TP73: variants seen among roughly 807,000 people sequenced by gnomAD.
TP73 encodes p53-like transcription factor.
TP73 carries 25 observed loss-of-function variants against 62.5 expected under a neutral mutation model. The observed-to-expected ratio is 0.40, with a 90% CI of 0.29 to 0.56. The LOEUF is 0.56. Ranked by LOEUF, TP73 falls within the 20% of genes least tolerant of loss-of-function variation. The pLI is 0.46. For missense variants in TP73, 754 were observed against 913.3 expected, an observed-to-expected ratio of 0.83 and a Z score of 2.25; for synonymous variants, 423 against 377.5, an observed-to-expected ratio of 1.12 and a Z score of -1.40.
intron 3 of TP73, among the ~76,000 whole-genome samples, chr1:3,689,129 A>T (rs1479475176): frequency 6.6e-6 from 1 of 152,050 alleles, no homozygotes; most frequent in Non-Finnish European, 1.5e-5. Flanking sequence ...TCAGAAGCAG[A>T]AGGCACCCTC....
rs766034421 is a variant in TP73 at position 3,683,196 on chromosome 1, G to A, written c.186+16G>A. On this transcript the variant is annotated intron_variant, in intron 3 of 13. Transcript: ENST00000378295. ...ATCTGTCATGGTGAGTGGGGGGGCT[G>A]CCCTCTGCAAGAGGACTGGAGTGGG... The A allele has an allele frequency of 6.3e-7, 1 of 1,594,770 alleles. No homozygotes were observed. The highest frequency in any genetic ancestry group is 1.1e-5 in the South Asian group (1 of 89,946).
intron 1 of TP73, among the ~76,000 whole-genome samples, chr1:3,681,911 C>T (rs1342115307): frequency 9.2e-6 from 1 of 109,064 alleles, no homozygotes; most frequent in African/African-American, 2.7e-5. Context: ...CAGGCCAAAC[C>T]TAGACACAGT....
intron 3 of TP73, chr1:3,690,889 A>G (rs1645801298): frequency 6.4e-7 from 1 of 1,569,630 alleles, no homozygotes; most frequent in Non-Finnish European, 8.6e-7. Context: ...GCGTGTGCAG[A>G]CCCCCCGGCG....
intron 3 of TP73, among the ~76,000 whole-genome samples, chr1:3,695,683 T>C (rs1039110651): frequency 6.6e-6 from 1 of 152,234 alleles, no homozygotes; most frequent in African/African-American, 2.4e-5. Context: ...AGCCAATCAG[T>C]GCAGCAAGCT....
intron 3 of TP73, among the ~76,000 whole-genome samples, chr1:3,698,706 G>C (rs1389130563): frequency 2.0e-5 from 3 of 152,168 alleles, no homozygotes; most frequent in Non-Finnish European, 2.9e-5. Context: ...CTTGCACCAG[G>C]CCACAGTGGG....
rs1347778603 is a variant in TP73 at position 3,699,060 on chromosome 1, CAGGGTGCTGTGGGTGAGAGCAG to C, written c.187-8476_187-8455del. ...GCAGAGGGTGCTGTGGGTGAGAGCA[CAGGGTGCTGTGGGTGAGAGCAG>C]AGGGTGCTGTGGATGAGAGCAGAGG... is the stretch of plus-strand genomic sequence containing the variant. On this transcript the variant is annotated intron_variant, in intron 3 of 13. Coordinates refer to ENST00000378295, the MANE Select transcript of TP73 (RefSeq NM_005427.4). The surrounding 1 kb of genome is among the most constrained non-coding windows in gnomAD (Gnocchi z 4.1). 1.1e-4 allele frequency among the ~76,000 whole-genome samples: 17 copies of C among 151,232 alleles called. No individual in the cohort carries two copies. The highest frequency in any genetic ancestry group is 4.2e-4 in the South Asian group (2 of 4,812).
chr1:3,716,415 C>G (rs1286859066), intron 4 of TP73, among the ~76,000 whole-genome samples: 2 of 152,228 alleles, frequency 1.3e-5, no homozygotes, highest in Non-Finnish European at 2.9e-5. Flanking sequence ...CTGTGGATGT[C>G]CTGGTGAGTG....
In TP73 at chr1:3,706,478, T is replaced by C. The variant is rs60071664; in HGVS notation, c.187-1071T>C. Among the ~76,000 whole-genome samples the C allele has an allele frequency of 6.9e-3, 610 of 88,596 alleles. 84 individuals carry two copies. The highest frequency in any genetic ancestry group is 0.012 in the Non-Finnish European group (382 of 33,146). 58.1% of individuals were successfully genotyped at this position (88,596 alleles called of 152,430 possible). On this transcript the variant is annotated intron_variant, in intron 3 of 13. Transcript: ENST00000378295. Reference sequence around the variant, plus strand: ...GCCGCAGGCCCGGGGAGAGGGGTAATAGGGACAATCACGGTGCCCGCCGCA... The same window carrying C: ...GCCGCAGGCCCGGGGAGAGGGGTAACAGGGACAATCACGGTGCCCGCCGCA...
rs77227066 is a variant in TP73 at position 3,696,474 on chromosome 1, G to A, written c.187-11075G>A. Among the ~76,000 whole-genome samples the A allele has an allele frequency of 0.012, 1,750 of 152,010 alleles. 38 individuals carry two copies. The highest frequency in any genetic ancestry group is 0.04 in the African/African-American group (1,644 of 41,418). Reference sequence around the variant, plus strand: ...GGGCACTTACAGTCAGGGCTCTGGGGGATCTGCACGGAGGCAGGGAGAGAC... The same window carrying A: ...GGGCACTTACAGTCAGGGCTCTGGGAGATCTGCACGGAGGCAGGGAGAGAC... On this transcript the variant is annotated intron_variant, in intron 3 of 13. Transcript: ENST00000378295. The surrounding 1 kb of genome is among the most constrained non-coding windows in gnomAD (Gnocchi z 4.1).
rs906751093 is a variant in TP73, at chr1:3,672,775, G to T, written c.-33-9558G>T. Among the ~76,000 whole-genome samples, 2 of 152,052 alleles carry T rather than the reference G, an allele frequency of 1.3e-5. No homozygotes were observed. The highest frequency in any genetic ancestry group is 6.6e-5 in the Admixed American group (1 of 15,246). The stretch of plus-strand genomic sequence containing the variant: ...CTCAGCGCCCCAGTTCCCTGACAGG[G>T]CCCCACTTCCCTCCTGCCGCCAACC... On this transcript the variant is annotated intron_variant, in intron 1 of 13. Coordinates refer to ENST00000378295, the MANE Select transcript of TP73 (RefSeq NM_005427.4). The surrounding 1 kb of genome is among the most constrained non-coding windows in gnomAD (Gnocchi z 5.3).
intron 3 of TP73, among the ~76,000 whole-genome samples, chr1:3,692,866 C>T (rs1281754769): frequency 6.6e-6 from 1 of 152,164 alleles, no homozygotes; most frequent in Admixed American, 6.5e-5. Flanking sequence ...CCCTGCTGCC[C>T]TGGCCTGCAG....
At chr1:3,727,016 A>T in intron 6 of TP73, 99 bp from the exon 7 acceptor site, 1 of 966,960 alleles carries the variant, frequency 1.0e-6, no homozygotes. Flanking sequence ...CCCCCTGCCT[A>T]CGTGGAGCCA....
At chr1:3,726,080 T>G (rs1262066605) in intron 6 of TP73, among the ~76,000 whole-genome samples, 18 of 36,846 alleles carry the variant, frequency 4.9e-4, no homozygotes, top group African/African-American at 6.6e-4. Flanking sequence ...ATGGATGGAT[T>G]TATTGATATT....
At chr1:3,713,312 G>A (rs958343601) in intron 4 of TP73, among the ~76,000 whole-genome samples, 3 of 152,186 alleles carry the variant, frequency 2.0e-5, no homozygotes, top group Non-Finnish European at 4.4e-5. Flanking sequence ...CTCTCCTGGT[G>A]CCTCCCTGCC....
intron 3 of TP73, among the ~76,000 whole-genome samples, chr1:3,706,598 A>T (rs1456848743): frequency 2.6e-5 from 4 of 151,852 alleles, no homozygotes; most frequent in Non-Finnish European, 4.4e-5. Flanking sequence ...TTCCTCCAGC[A>T]CCCGCCTCTG....
In TP73 at chr1:3,699,193, G is replaced by A. The variant is rs920203128; in HGVS notation, c.187-8356G>A. ...TGGCATTTCCATTCGTTTAATCACG[G>A]GCTCCGGGAGATGCTGTGGGAAGTA... On this transcript the variant is annotated intron_variant, in intron 3 of 13. Transcript: ENST00000378295. This position sits in a 1 kb window ranked among gnomAD's most constrained non-coding sequence, Gnocchi z 4.1. 6.6e-6 allele frequency among the ~76,000 whole-genome samples: 1 copy of A among 152,164 alleles called. No homozygotes were observed. Among genetic ancestry groups the A allele is most frequent in the African/African-American group, 2.4e-5 (1 of 41,442 alleles).
chr1:3,722,142 C>T lies in TP73; in HGVS notation c.551C>T (p.Ala184Val), dbSNP rs1641123267. 8 of 1,612,776 alleles carry T rather than the reference C, an allele frequency of 5.0e-6. No individual in the cohort carries two copies. The highest frequency in any genetic ancestry group is 6.8e-6 in the Non-Finnish European group (8 of 1,179,874). The change falls in exon 5 of 14, where the codon GCG (alanine) becomes GTG (valine). Residue 184 changes from alanine to valine, a missense_variant. Transcript: ENST00000378295. ...CGGGCCATGCCTGTTTACAAGAAAGCGGAGCACGTGACCGACGTCGTGAAA... is the reference window on the plus strand; with the variant it reads ...CGGGCCATGCCTGTTTACAAGAAAGTGGAGCACGTGACCGACGTCGTGAAA... ...AIRAMPVYKK[A>V]EHVTDVVKRC...
At chr1:3,668,037 C>T (rs1368373696) in intron 1 of TP73, among the ~76,000 whole-genome samples, 1 of 152,184 alleles carries the variant, frequency 6.6e-6, no homozygotes, top group Non-Finnish European at 1.5e-5. Flanking sequence ...TGCTATTGCT[C>T]CTCCTGTCAC....
rs1267763683 is a variant in TP73, at chr1:3,682,573, T to A, written c.65+143T>A. On this transcript the variant is annotated intron_variant, in intron 2 of 13. Transcript: ENST00000378295. ...CTGGGCTAGCCCCAGCCACCCTCAC[T>A]GAGACTTTGGGCTAAACTTGGCAAC... 7 of 825,912 alleles carry A rather than the reference T, an allele frequency of 8.5e-6. No homozygotes were observed. The East Asian group carries it at 1.9e-4, about 22-fold the overall frequency. 51.2% of individuals were successfully genotyped at this position (825,912 alleles called of 1,614,324 possible).
Sources: gnomAD v4.1 joint callset for allele counts (sites outside exome capture counted in the v4.1 genomes callset) on GRCh38, gnomAD v4.1.1 for gene constraint, Gnocchi (gnomAD v3.1) non-coding constraint, MANE v1.5 for transcripts, NCBI Gene and HGNC (gene_info 2026-07-23, HGNC 2026-07-21) for gene names.